The following FHIT variants were observed in gnomAD, a reference collection of about 807,000 sequenced individuals.
FHIT encodes the protein bis(5'-adenosyl)-triphosphatase.
In FHIT, 19 loss-of-function variants were observed where a neutral mutation model predicts 17.9. The ratio of observed to expected loss-of-function variants is 1.06; its 90% CI spans 0.74 to 1.56. The LOEUF is 1.56. Among genes scored for constraint, FHIT ranks in the 40% most tolerant of loss-of-function variants. The pLI, the probability that FHIT is intolerant of heterozygous loss-of-function variation, is 0.00. For missense variants in FHIT, 248 were observed against 189.2 expected (o/e 1.31, Z -1.82); for synonymous variants, 81 against 69.7 (o/e 1.16, Z -0.81).
chr3:60,079,033 G>A (rs554616573), intron 5 of FHIT, among the ~76,000 whole-genome samples: 3 of 152,122 alleles, frequency 2.0e-5, no homozygotes, highest in Non-Finnish European at 4.4e-5. Context: ...ATTGAGGCTC[G>A]GCTCCCCCTT....
chr3:60,688,088 T>C (rs1331553537), intron 4 of FHIT, among the ~76,000 whole-genome samples: 2 of 152,194 alleles, frequency 1.3e-5, no homozygotes, highest in Non-Finnish European at 2.9e-5. Context: ...TACAGTTAGA[T>C]TTTGCTTTTT....
chr3:61,006,975 T>C (rs2031493076), intron 3 of FHIT, among the ~76,000 whole-genome samples: 1 of 152,224 alleles, frequency 6.6e-6, no homozygotes, highest in Admixed American at 6.5e-5. Flanking sequence ...TATAAAATGT[T>C]TTATCATTTA....
intron 2 of FHIT, among the ~76,000 whole-genome samples, chr3:61,110,414 C>T (rs1282971976): frequency 1.3e-5 from 2 of 152,134 alleles, no homozygotes; most frequent in Admixed American, 1.3e-4. Context: ...TCTAAGGCAG[C>T]ACACAAGCCA....
intron 1 of FHIT, among the ~76,000 whole-genome samples, chr3:61,219,531 A>G (rs948156141): frequency 2.0e-5 from 3 of 152,200 alleles, no homozygotes; most frequent in Non-Finnish European, 4.4e-5. Context: ...ACAGGCCATG[A>G]AAACATTTTC....
chr3:60,406,282 T>C (rs533675972), intron 5 of FHIT, among the ~76,000 whole-genome samples: 28 of 152,348 alleles, frequency 1.8e-4, no homozygotes, highest in African/African-American at 6.5e-4. Context: ...ATTAAATTCC[T>C]TTTATTCCAT....
intron 5 of FHIT, among the ~76,000 whole-genome samples, chr3:60,341,207 G>GA (rs1710501458): frequency 6.6e-6 from 1 of 152,090 alleles, no homozygotes; most frequent in South Asian, 2.1e-4. Context: ...GTTGTTTTGA[G>GA]CTGGATATAT....
chr3:59,998,167 C>T (rs886722467), intron 7 of FHIT, among the ~76,000 whole-genome samples: 1 of 152,080 alleles, frequency 6.6e-6, no homozygotes, highest in African/African-American at 2.4e-5. Flanking sequence ...ATGAGCCAAT[C>T]GACTCCTGAA....
At chr3:60,938,106 T>G (rs1708267541) in intron 3 of FHIT, among the ~76,000 whole-genome samples, 1 of 152,162 alleles carries the variant, frequency 6.6e-6, no homozygotes, top group African/African-American at 2.4e-5. Context: ...CAATGTCTCT[T>G]GTGTAGCAGT....
chr3:60,180,285 A>T (rs1701869761), intron 5 of FHIT, among the ~76,000 whole-genome samples: 1 of 152,204 alleles, frequency 6.6e-6, no homozygotes, highest in Non-Finnish European at 1.5e-5. Flanking sequence ...CAACAAAAAT[A>T]ACCCAACTTG....
At chr3:60,719,881 C>A (rs2041770888) in intron 4 of FHIT, among the ~76,000 whole-genome samples, 1 of 152,156 alleles carries the variant, frequency 6.6e-6, no homozygotes, top group Non-Finnish European at 1.5e-5. Flanking sequence ...CCAAGCTGTT[C>A]TCATTTCTCT....
intron 5 of FHIT, among the ~76,000 whole-genome samples, chr3:60,265,517 G>A (rs1706526038): frequency 1.3e-5 from 2 of 151,908 alleles, no homozygotes; most frequent in African/African-American, 4.8e-5. Context: ...GGGTCTCTTA[G>A]CTATGTCAGC....
At chr3:60,596,317 A>G (rs989702434) in intron 4 of FHIT, among the ~76,000 whole-genome samples, 1 of 152,094 alleles carries the variant, frequency 6.6e-6, no homozygotes, top group African/African-American at 2.4e-5. Context: ...CAGCACGCAC[A>G]GGCTGCAGGC....
At chr3:60,095,792 A>G (rs1472786145) in intron 5 of FHIT, among the ~76,000 whole-genome samples, 2 of 152,216 alleles carry the variant, frequency 1.3e-5, no homozygotes, top group Admixed American at 6.5e-5. Context: ...TAGTTGGCCT[A>G]TCTGGTACAA....
At chr3:60,825,733 A>C (rs2106789548) in intron 3 of FHIT, among the ~76,000 whole-genome samples, 1 of 152,238 alleles carries the variant, frequency 6.6e-6, no homozygotes, top group East Asian at 1.9e-4. Flanking sequence ...TCCCAAAACC[A>C]TACCCCCCAC....
chr3:60,148,268 T>C (rs1268056855), intron 5 of FHIT, among the ~76,000 whole-genome samples: 2 of 152,186 alleles, frequency 1.3e-5, no homozygotes, highest in African/African-American at 4.8e-5. Context: ...ACATGCCATA[T>C]GGATAGATAA....
chr3:60,277,046 T>C (rs1707177232), intron 5 of FHIT, among the ~76,000 whole-genome samples: 1 of 152,016 alleles, frequency 6.6e-6, no homozygotes, highest in Non-Finnish European at 1.5e-5. Flanking sequence ...GTACAGCAGC[T>C]AGAACTTTCA....
intron 5 of FHIT, among the ~76,000 whole-genome samples, chr3:60,187,023 G>C (rs1190846509): frequency 1.3e-5 from 2 of 152,108 alleles, no homozygotes; most frequent in Non-Finnish European, 2.9e-5. Flanking sequence ...TATCAAAACT[G>C]AAATAGCTCG....
At chr3:59,930,715 G>C (rs904876495) in intron 7 of FHIT, among the ~76,000 whole-genome samples, 6 of 152,210 alleles carry the variant, frequency 3.9e-5, no homozygotes, top group Non-Finnish European at 5.9e-5. Context: ...ACTAGGATTA[G>C]AATTAGGAAA....
chr3:60,134,347 C>CA (rs1209635211), intron 5 of FHIT, among the ~76,000 whole-genome samples: 1 of 152,120 alleles, frequency 6.6e-6, no homozygotes, highest in Non-Finnish European at 1.5e-5. Context: ...TCCAATGGGG[C>CA]AGGTTTTTAT....
Sources: gnomAD v4.1 joint callset for allele counts (sites outside exome capture counted in the v4.1 genomes callset) on GRCh38, gnomAD v4.1.1 for gene constraint, MANE v1.5 for transcripts, NCBI Gene and HGNC (gene_info 2026-07-23, HGNC 2026-07-21) for gene names.